CFAP44: variants seen among roughly 807,000 people sequenced by gnomAD.
The protein encoded by CFAP44 is cilia and flagella associated protein 44, also known as cilia- and flagella-associated protein 44.
In CFAP44, 134 loss-of-function variants were observed where a neutral mutation model predicts 216.2. The ratio of observed to expected loss-of-function variants is 0.62; its 90% CI spans 0.54 to 0.72. CFAP44 has a LOEUF of 0.72. CFAP44 is among the 30% of genes least tolerant of loss of function. The pLI, the probability that CFAP44 is intolerant of heterozygous loss-of-function variation, is 0.00. For missense variants in CFAP44, 2,035 were observed against 2,182.1 expected (o/e 0.93, Z 1.34); for synonymous variants, 700 against 727.6 (o/e 0.96, Z 0.61).
intron 26 of CFAP44, among the ~76,000 whole-genome samples, chr3:113,329,591 G>C (rs1043388275): frequency 1.3e-5 from 2 of 152,186 alleles, no homozygotes; most frequent in East Asian, 3.8e-4. Context: ...ATCTATCCAA[G>C]AAAGGTTATT....
At chr3:113,363,442 C>A in intron 20 of CFAP44, 35 bp downstream of exon 20, 1 of 1,591,290 alleles carries the variant, frequency 6.3e-7, no homozygotes, top group South Asian at 1.2e-5. Flanking sequence ...TGCAAAATCT[C>A]AGGCCTAGTC....
intron 22 of CFAP44, among the ~76,000 whole-genome samples, chr3:113,345,602 C>T (rs1401573552): frequency 6.6e-6 from 1 of 152,130 alleles, no homozygotes; most frequent in African/African-American, 2.4e-5. Flanking sequence ...AAACATTAAG[C>T]TCAGGAAATC....
At chr3:113,356,502 G>A (rs1370091296) in intron 22 of CFAP44, among the ~76,000 whole-genome samples, 1 of 152,064 alleles carries the variant, frequency 6.6e-6, no homozygotes, top group Non-Finnish European at 1.5e-5. Context: ...TAGACAGATA[G>A]GCCAATGAGA....
intron 7 of CFAP44, among the ~76,000 whole-genome samples, chr3:113,408,616 G>A (rs998270047): frequency 6.6e-6 from 1 of 152,140 alleles, no homozygotes; most frequent in Non-Finnish European, 1.5e-5. Context: ...TGCAATCCCA[G>A]CACTTTGGGA....
chr3:113,317,308 C>A (rs1241600361), intron 28 of CFAP44, among the ~76,000 whole-genome samples: 2 of 152,190 alleles, frequency 1.3e-5, no homozygotes, highest in Non-Finnish European at 2.9e-5. Flanking sequence ...TGACAGAGAG[C>A]GGCCATAGAC....
At position 113,426,195 on chromosome 3, in the gene CFAP44, A is replaced by G. The variant is rs751089766; in HGVS notation, c.336T>C (p.Asp112=). The part of the protein sequence containing the change: ...KKKISESFFY[D]YMELASMPFV... ...AAGGCATCGAAGCAAGCTCCATATA[A>G]TCATAGAAGAAGCTCTCTGATATTT... The change falls in exon 4 of 35, where the codon GAT becomes GAC. Residue 112 remains aspartate, a synonymous_variant. Transcript: ENST00000393845. The G allele has an allele frequency of 5.0e-6, 8 of 1,614,008 alleles. No individual in the cohort carries two copies. Among genetic ancestry groups the G allele is most frequent in the Non-Finnish European group, 6.8e-6 (8 of 1,180,000 alleles).
chr3:113,346,374 C>A (rs966236468), intron 22 of CFAP44, among the ~76,000 whole-genome samples: 1 of 150,506 alleles, frequency 6.6e-6, no homozygotes, highest in South Asian at 2.1e-4. Flanking sequence ...CACCAATCAG[C>A]GCTCCGTGCC....
chr3:113,423,215 A>G (rs1415405452), intron 4 of CFAP44, among the ~76,000 whole-genome samples: 1 of 149,574 alleles, frequency 6.7e-6, no homozygotes, highest in Non-Finnish European at 1.5e-5. Context: ...CCCAGGCTCA[A>G]GAGATTCTCC....
At position 113,291,527 on chromosome 3, in the gene CFAP44, A is replaced by T. The variant is rs748162574; in HGVS notation, c.*30T>A. Reference sequence around the variant, plus strand: ...GAACTTCCAGTGAGTTATGTCAGAAATCTTGTATGGGTTTGAGAAAATAGC... The same window carrying T: ...GAACTTCCAGTGAGTTATGTCAGAATTCTTGTATGGGTTTGAGAAAATAGC... On this transcript the variant is annotated 3_prime_UTR_variant, in exon 35 of 35. Coordinates refer to ENST00000393845, the MANE Select transcript of CFAP44 (RefSeq NM_001164496.2). 65 of 1,527,482 alleles carry T rather than the reference A, an allele frequency of 4.3e-5. 1 individual carries two copies. The South Asian group carries it at 7.7e-4, about 18-fold the overall frequency. The allele number at this position is 1,527,482 out of a possible 1,614,324, so 94.6% of individuals were successfully genotyped here.
chr3:113,403,095 GA>G (rs57558500), intron 9 of CFAP44, among the ~76,000 whole-genome samples: 63,180 of 148,692 alleles, frequency 0.42, 13,523 homozygotes, highest in East Asian at 0.53. Context: ...TCTTAAAAAA[GA>G]AAAAAAAAAG....
Position 113,304,017 on chromosome 3 carries a change from A to T in CFAP44, c.4976T>A (p.Leu1659His). ...LRRLQERIHE[L>H]QEENSKQQKL... is the part of the protein sequence containing the mutation. ...TTGCTGCTTGGAATTTTCCTCCTGG[A>T]GCTCATGGATTCGTTCTTGCAGCCG... Residue 1659 changes from leucine to histidine, a missense_variant, in exon 32 of 35, where the codon CTC becomes CAC. Physicochemically the swap from Leu to His is moderately conservative, Grantham distance 99. Transcript: ENST00000393845. The T allele has an allele frequency of 3.3e-6, 5 of 1,537,378 alleles. No homozygotes were observed. Among genetic ancestry groups the T allele is most frequent in the Non-Finnish European group, 4.4e-6 (5 of 1,146,948 alleles).
At chr3:113,369,470 GA>G (rs1350081202) in intron 18 of CFAP44, among the ~76,000 whole-genome samples, 20 of 152,166 alleles carry the variant, frequency 1.3e-4, no homozygotes, top group African/African-American at 4.3e-4. Context: ...ACCTGCTCCT[GA>G]ATGACTACTG....
intron 5 of CFAP44, 105 bp downstream of exon 5, chr3:113,419,912 A>G: frequency 8.3e-7 from 1 of 1,208,856 alleles, no homozygotes; most frequent in Non-Finnish European, 1.1e-6. Flanking sequence ...TGAACCCACA[A>G]TACTGTGCAT....
Position 113,414,130 on chromosome 3 carries a change from G to A in CFAP44, c.673+2395C>T, listed in dbSNP as rs183670237. On this transcript the variant is annotated intron_variant, in intron 6 of 34. Transcript: ENST00000393845. ...TATTCTCTTTGTAGTGATTGTGAAT[G>A]GAAGTTCATTCATGATTTGGCTCTC... Among the ~76,000 whole-genome samples, 7 of 152,236 alleles carry A rather than the reference G, an allele frequency of 4.6e-5. No individual in the cohort carries two copies. The East Asian group carries it at 1.3e-3, about 29-fold the overall frequency.
At chr3:113,326,351 G>T in intron 28 of CFAP44, 94 bp downstream of exon 28, 1 of 1,201,880 alleles carries the variant, frequency 8.3e-7, no homozygotes, top group Non-Finnish European at 1.1e-6. Context: ...ATGTTATAGT[G>T]AAAAAAATAA....
At chr3:113,359,600 T>C (rs1950519472) in intron 21 of CFAP44, among the ~76,000 whole-genome samples, 2 of 152,220 alleles carry the variant, frequency 1.3e-5, no homozygotes, top group Admixed American at 1.3e-4. Context: ...TTAACTATTT[T>C]GACCTGGTTT....
At chr3:113,324,287 C>T (rs9863114) in intron 28 of CFAP44, among the ~76,000 whole-genome samples, 5,688 of 151,938 alleles carry the variant, frequency 0.037, 136 homozygotes, top group African/African-American at 0.073. Context: ...TACCCTGATA[C>T]TAAAACCAGA....
intron 15 of CFAP44, among the ~76,000 whole-genome samples, chr3:113,386,794 C>T (rs774731968): frequency 7.2e-5 from 11 of 152,180 alleles, no homozygotes; most frequent in Non-Finnish European, 1.5e-4. Flanking sequence ...CTGAAAGAGG[C>T]ACTGCAGAGG....
intron 8 of CFAP44, among the ~76,000 whole-genome samples, chr3:113,406,083 A>G (rs1168767967): frequency 6.6e-6 from 1 of 152,230 alleles, no homozygotes; most frequent in Non-Finnish European, 1.5e-5. Flanking sequence ...ATAGAGAACT[A>G]ATCCTAATTA....
Sources: allele counts gnomAD v4.1 joint callset (sites outside exome capture counted in the v4.1 genomes callset), GRCh38; gene constraint gnomAD v4.1.1; transcripts MANE v1.5; gene names NCBI Gene and HGNC (gene_info 2026-07-23, HGNC 2026-07-21).